LRRK1: variants seen among roughly 807,000 people sequenced by gnomAD.
LRRK1 encodes the protein leucine rich repeat kinase 1, also known as leucine-rich repeat serine/threonine-protein kinase 1.
Under a neutral mutation model 209.1 loss-of-function variants are expected in LRRK1, and 113 were observed. The ratio of observed to expected loss-of-function variants is 0.54; its 90% CI spans 0.46 to 0.63. The LOEUF is 0.63. LRRK1 is among the 30% of genes least tolerant of loss of function. The pLI is 0.00. For missense variants in LRRK1, 2,284 were observed against 2,632.2 expected (o/e 0.87, Z 2.89); for synonymous variants, 1,144 against 1,099.7 (o/e 1.04, Z -0.80).
chr15:101,007,223 C>T (rs1471713552), intron 6 of LRRK1, among the ~76,000 whole-genome samples: 2 of 152,176 alleles, frequency 1.3e-5, no homozygotes, highest in Non-Finnish European at 2.9e-5. Context: ...GGACCTTTCT[C>T]GTAGCCTCTG....
chr15:100,962,823 A>ACATATACATATATATATATTTTTT (rs1438896981), intron 2 of LRRK1, among the ~76,000 whole-genome samples: 1 of 11,544 alleles, frequency 8.7e-5, no homozygotes, highest in African/African-American at 2.5e-4. Flanking sequence ...ATATATATAT[A>ACATATACATATATATATATTTTTT]TTTTTTTTTT....
intron 7 of LRRK1, among the ~76,000 whole-genome samples, chr15:101,009,907 C>T (rs2033152899): frequency 6.6e-6 from 1 of 152,192 alleles, no homozygotes; most frequent in Admixed American, 6.5e-5. Context: ...GGACACATAA[C>T]TGCAAGTCCT....
Position 100,924,554 on chromosome 15 carries a change from TTAATGCACCCCACA to T in LRRK1, c.-78_-65del. On this transcript the variant is annotated 5_prime_UTR_variant, in exon 2 of 34. An upstream start codon of the reference 5' UTR is lost. Coordinates refer to ENST00000388948, the MANE Select transcript of LRRK1 (RefSeq NM_024652.6). ...TCAGCCATGGCTACGAGTCCACGCC[TTAATGCACCCCACA>T]GCCAGCGGCAGTGGCAGTGACAACA... The T allele has an allele frequency of 7.7e-7, 1 of 1,301,866 alleles. No homozygotes were observed. Among genetic ancestry groups the T allele is most frequent in the Non-Finnish European group, 1.1e-6 (1 of 900,136 alleles). 80.6% of individuals were successfully genotyped at this position (1,301,866 alleles called of 1,614,324 possible). A position where few individuals can be genotyped will look rare whatever the true frequency, so the allele number is the denominator to read the frequency against.
intron 21 of LRRK1, among the ~76,000 whole-genome samples, chr15:101,046,981 C>T (rs1484886995): frequency 6.6e-6 from 1 of 152,180 alleles, no homozygotes; most frequent in Admixed American, 6.5e-5. Flanking sequence ...GTGAGGAACA[C>T]ACGTTCTCAG....
chr15:100,974,663 C>T (rs1335636331), intron 3 of LRRK1, among the ~76,000 whole-genome samples: 15 of 152,172 alleles, frequency 9.9e-5, no homozygotes, highest in African/African-American at 2.4e-5. Context: ...CTAATATAAA[C>T]GATGCTCTAT....
rs1359787858 is a variant in LRRK1 at position 101,065,371 on chromosome 15, C to T, written c.4934C>T (p.Ala1645Val). ...VIKKNSYLVLAGLADGLVAVF... is the reference protein window; with the variant it reads ...VIKKNSYLVLVGLADGLVAVF... ...CTTCAGAATTCCTACCTGGTCTTAG[C>T]GGGCCTCGCCGATGGGCTTGTGGCT... The change falls in exon 32 of 34, where the codon GCG (alanine) becomes GTG (valine). Residue 1645 changes from alanine (A) to valine (V), a missense_variant. Around this residue, in one of 6 missense-constraint regions of LRRK1, gnomAD observed 643 missense variants for 695.9 expected, o/e 0.92. Transcript: ENST00000388948. 5 of 1,613,426 alleles carry T rather than the reference C, an allele frequency of 3.1e-6. No individual in the cohort carries two copies. The highest frequency in any genetic ancestry group is 2.5e-6 in the Non-Finnish European group (3 of 1,179,916).
At chr15:100,990,956 TTAG>T (rs1345099218) in intron 6 of LRRK1, among the ~76,000 whole-genome samples, 2 of 152,210 alleles carry the variant, frequency 1.3e-5, no homozygotes, top group East Asian at 3.8e-4. Context: ...TTTCATTCAT[TTAG>T]TTTTTACATT....
At chr15:101,000,461 A>G (rs2032629493) in intron 6 of LRRK1, among the ~76,000 whole-genome samples, 1 of 152,212 alleles carries the variant, frequency 6.6e-6, no homozygotes, top group Non-Finnish European at 1.5e-5. Context: ...GAACTGCTGT[A>G]ACAAAGCACC....
At chr15:100,930,647 G>A (rs2042195350) in intron 2 of LRRK1, among the ~76,000 whole-genome samples, 1 of 152,202 alleles carries the variant, frequency 6.6e-6, no homozygotes, top group Non-Finnish European at 1.5e-5. Flanking sequence ...CATGCATTCA[G>A]CCACCAAGAG....
At chr15:100,950,002 C>T (rs968767676) in intron 2 of LRRK1, among the ~76,000 whole-genome samples, 5 of 152,076 alleles carry the variant, frequency 3.3e-5, no homozygotes, top group Admixed American at 2.0e-4. Context: ...CAACATTACA[C>T]TGGAGGTTCT....
intron 4 of LRRK1, among the ~76,000 whole-genome samples, chr15:100,984,512 C>T (rs1278286861): frequency 6.6e-6 from 1 of 150,508 alleles, no homozygotes; most frequent in Non-Finnish European, 1.5e-5. Flanking sequence ...CCCCTGGCCC[C>T]TGGCAACTAC....
At chr15:101,013,380 G>C (rs556930177) in intron 10 of LRRK1, among the ~76,000 whole-genome samples, 105 of 152,296 alleles carry the variant, frequency 6.9e-4, no homozygotes, top group African/African-American at 2.0e-3. Context: ...GGGATAGTTG[G>C]TGGCTGTGGT....
Position 101,053,266 on chromosome 15 carries a change from C to T in LRRK1, c.3900C>T (p.Asn1300=), listed in dbSNP as rs1434387203. 1 of 1,606,918 alleles carries T rather than the reference C, an allele frequency of 6.2e-7. No individual in the cohort carries two copies. The highest frequency in any genetic ancestry group is 8.5e-7 in the Non-Finnish European group (1 of 1,179,978). ...RHLRATDAMK[N]FSEFRQEASM... ...TGCGGGCCACCGATGCCATGAAGAACTTCTCCGAGTTCCGGCAGGAGGCCA... is the reference window on the plus strand; with the variant it reads ...TGCGGGCCACCGATGCCATGAAGAATTTCTCCGAGTTCCGGCAGGAGGCCA... The change falls in exon 26 of 34, where the codon AAC becomes AAT. Residue 1300 remains asparagine, a synonymous_variant. Coordinates refer to ENST00000388948, the MANE Select transcript of LRRK1 (RefSeq NM_024652.6).
intron 12 of LRRK1, among the ~76,000 whole-genome samples, chr15:101,017,309 T>A (rs893802151): frequency 3.3e-5 from 5 of 152,198 alleles, no homozygotes; most frequent in African/African-American, 1.2e-4. Context: ...TGCTTGTGTG[T>A]TGAGTATGAT....
intron 3 of LRRK1, among the ~76,000 whole-genome samples, chr15:100,978,347 G>T (rs1341832109): frequency 1.3e-5 from 2 of 152,218 alleles, no homozygotes; most frequent in Non-Finnish European, 2.9e-5. Context: ...AACAATGGCT[G>T]AAAGCTTCTC....
chr15:101,062,877 C>A (rs2141157530), intron 31 of LRRK1, among the ~76,000 whole-genome samples, 187 bp downstream of exon 31: 1 of 152,306 alleles, frequency 6.6e-6, no homozygotes, highest in African/African-American at 2.4e-5. Flanking sequence ...TTCCGGTTTG[C>A]AAAAACCTAA....
At chr15:101,035,974 T>C (rs775211207) in intron 20 of LRRK1, among the ~76,000 whole-genome samples, 1 of 152,236 alleles carries the variant, frequency 6.6e-6, no homozygotes, top group African/African-American at 2.4e-5. Context: ...GTTAGTCTAA[T>C]GGGGTCTCTT....
At chr15:101,062,937 T>A (rs149295889) in intron 31 of LRRK1, among the ~76,000 whole-genome samples, 2 of 152,138 alleles carry the variant, frequency 1.3e-5, no homozygotes, top group African/African-American at 4.8e-5. Flanking sequence ...CCCTTTCACA[T>A]GCAAATGCCC....
In LRRK1 at chr15:101,074,811, C is replaced by T. The variant is rs2036924163; in HGVS notation, c.*5963C>T. On this transcript the variant is annotated 3_prime_UTR_variant, in exon 34 of 34. Transcript: ENST00000388948. ...AACCTCCTCCCCCAGGAGCTTGCTA[C>T]AAGTGCCAGAAATCTGGCCACCAGG... 6.6e-6 allele frequency: 1 copy of T among 152,120 alleles called. No individual in the cohort carries two copies. Among genetic ancestry groups the T allele is most frequent in the African/African-American group, 2.4e-5 (1 of 41,414 alleles). The allele number at this position is 152,120 out of a possible 1,614,324, so 9.4% of individuals were successfully genotyped here.
Sources: gnomAD v4.1 joint callset for allele counts (sites outside exome capture counted in the v4.1 genomes callset) on GRCh38, gnomAD v4.1.1 for gene constraint, gnomAD v4.1.1 regional missense constraint, MANE v1.5 for transcripts, NCBI Gene and HGNC (gene_info 2026-07-23, HGNC 2026-07-21) for gene names.